The following TMEM74 variants were observed in gnomAD, a reference collection of about 807,000 sequenced individuals.
TMEM74 encodes transmembrane protein 74.
TMEM74 carries 13 observed loss-of-function variants against 18.1 expected under a neutral mutation model. The ratio of observed to expected loss-of-function variants is 0.72; its 90% confidence interval spans 0.47 to 1.14. The LOEUF (loss-of-function observed/expected upper bound fraction) is 1.14, where lower values mean the gene tolerates loss of function less well. TMEM74 is among the 50% of genes most tolerant of loss of function. TMEM74 has a pLI of 0.00. For synonymous variants in TMEM74, 159 were observed against 146.6 expected (o/e 1.08, Z -0.61); for missense variants, 372 against 375.9 (o/e 0.99, Z 0.09).
intron 1 of TMEM74, among the ~76,000 whole-genome samples, chr8:108,685,852 A>C (rs1813162261): frequency 1.3e-5 from 2 of 152,180 alleles, no homozygotes; most frequent in Admixed American, 1.3e-4. Flanking sequence ...AAAAAATGAA[A>C]GAGAAAATAA....
At chr8:108,637,358 A>G (rs1812616956) in intron 2 of TMEM74, among the ~76,000 whole-genome samples, 1 of 152,040 alleles carries the variant, frequency 6.6e-6, no homozygotes, top group Non-Finnish European at 1.5e-5. Context: ...ATGGTACTCA[A>G]AAATGCCCAC....
intron 1 of TMEM74, among the ~76,000 whole-genome samples, chr8:108,771,796 T>G (rs968235362): frequency 3.9e-5 from 6 of 152,178 alleles, no homozygotes; most frequent in African/African-American, 1.4e-4. Context: ...TTATCCATCT[T>G]TTTGAATATT....
At chr8:108,626,930 T>C (rs980987970) in intron 2 of TMEM74, among the ~76,000 whole-genome samples, 1 of 152,006 alleles carries the variant, frequency 6.6e-6, no homozygotes, top group African/African-American at 2.4e-5. Flanking sequence ...GATTTCTTAA[T>C]GGTCATTACT....
intron 1 of TMEM74, among the ~76,000 whole-genome samples, chr8:108,746,938 T>C (rs995244547): frequency 1.3e-5 from 2 of 152,114 alleles, no homozygotes; most frequent in African/African-American, 4.8e-5. Context: ...TTCCATCTGG[T>C]TGTTCCTGAT....
chr8:108,686,890 C>T (rs564334243), intron 1 of TMEM74, among the ~76,000 whole-genome samples: 30 of 152,118 alleles, frequency 2.0e-4, no homozygotes, highest in African/African-American at 7.0e-4. Context: ...AATCAACACT[C>T]CCATAAGGAA....
At chr8:108,620,095 G>T (rs871997) in intron 2 of TMEM74, among the ~76,000 whole-genome samples, 33,167 of 152,010 alleles carry the variant, frequency 0.22, 3,647 homozygotes, top group East Asian at 0.27. Context: ...CATTGGTACA[G>T]CTATCACTGT....
chr8:108,675,441 C>T (rs1357365331), intron 1 of TMEM74, among the ~76,000 whole-genome samples: 1 of 152,154 alleles, frequency 6.6e-6, no homozygotes, highest in East Asian at 1.9e-4. Context: ...AATGGACACT[C>T]CTGCAAAATG....
intron 2 of TMEM74, among the ~76,000 whole-genome samples, chr8:108,615,314 A>G (rs1812372394): frequency 6.6e-6 from 1 of 152,220 alleles, no homozygotes; most frequent in Non-Finnish European, 1.5e-5. Context: ...GTTAGCACTC[A>G]GACCATTATT....
At chr8:108,662,974 G>A (rs1245189486) in intron 1 of TMEM74, among the ~76,000 whole-genome samples, 3 of 152,094 alleles carry the variant, frequency 2.0e-5, no homozygotes, top group African/African-American at 7.2e-5. Flanking sequence ...ATGCCTCCAG[G>A]TTTGTTGTCT....
chr8:108,787,224 C>A (rs1401517732), intron 1 of TMEM74, among the ~76,000 whole-genome samples: 1 of 152,120 alleles, frequency 6.6e-6, no homozygotes, highest in Non-Finnish European at 1.5e-5. Context: ...TCTGGATGCG[C>A]CCTGTGCGAG....
intron 1 of TMEM74, among the ~76,000 whole-genome samples, chr8:108,786,962 G>A (rs911669908): frequency 2.0e-5 from 3 of 152,132 alleles, no homozygotes; most frequent in African/African-American, 7.2e-5. Flanking sequence ...CAGCACAGTC[G>A]ATTTCCTTTG....
Position 108,784,230 on chromosome 8 carries a change from G to A in TMEM74, c.869C>T (p.Thr290Ile), listed in dbSNP as rs1329640687. Residue 290 changes from threonine to isoleucine, a missense_variant, in exon 2 of 2, where the codon ACT (threonine) becomes ATT (isoleucine). Thr to Ile is a moderately conservative substitution (Grantham distance 89, BLOSUM62 -1). Transcript: ENST00000297459. ...FRMKTSTNENTLELSLVEEDA... is the reference protein window; with the variant it reads ...FRMKTSTNENILELSLVEEDA... ...TTCCTCTACCAAGGACAGTTCCAGAGTGTTTTCATTCGTGCTGGTTTTCAT... is the reference window on the plus strand; with the variant it reads ...TTCCTCTACCAAGGACAGTTCCAGAATGTTTTCATTCGTGCTGGTTTTCAT... 8.1e-6 allele frequency: 13 copies of A among 1,614,058 alleles called. No individual in the cohort carries two copies. Among genetic ancestry groups the A allele is most frequent in the Middle Eastern group, 1.6e-4 (1 of 6,084 alleles).
chr8:108,664,290 T>C (rs62512411), intron 1 of TMEM74, among the ~76,000 whole-genome samples: 25,032 of 152,132 alleles, frequency 0.16, 2,620 homozygotes, highest in Non-Finnish European at 0.23. Flanking sequence ...TTATGTCATC[T>C]CTGATTTCTT....
At chr8:108,731,077 A>C (rs1399920043) in intron 1 of TMEM74, among the ~76,000 whole-genome samples, 1 of 151,852 alleles carries the variant, frequency 6.6e-6, no homozygotes, top group East Asian at 1.9e-4. Flanking sequence ...TTTTATTTTC[A>C]TATCTTTTTC....
intron 1 of TMEM74, among the ~76,000 whole-genome samples, chr8:108,746,917 C>T (rs1283741614): frequency 6.6e-6 from 1 of 152,066 alleles, no homozygotes; most frequent in Non-Finnish European, 1.5e-5. Context: ...ATGCCTTGCC[C>T]TATACCTCTC....
chr8:108,677,957 T>C (rs1025786002), intron 1 of TMEM74, among the ~76,000 whole-genome samples: 23 of 152,164 alleles, frequency 1.5e-4, no homozygotes, highest in African/African-American at 5.3e-4. Context: ...TAACTTGTAG[T>C]GACATCCCAA....
intron 1 of TMEM74, among the ~76,000 whole-genome samples, chr8:108,722,458 A>G (rs918072704): frequency 1.7e-4 from 26 of 152,210 alleles, no homozygotes; most frequent in African/African-American, 6.3e-4. Context: ...TTTGCCACCA[A>G]AAACTCACCC....
At chr8:108,680,702 A>G (rs541327511) in intron 1 of TMEM74, among the ~76,000 whole-genome samples, 2 of 152,314 alleles carry the variant, frequency 1.3e-5, no homozygotes, top group South Asian at 2.1e-4. Flanking sequence ...AGGGTATTCA[A>G]TTAGGAAAAG....
intron 1 of TMEM74, among the ~76,000 whole-genome samples, chr8:108,705,890 A>T: frequency 6.6e-6 from 1 of 152,330 alleles, no homozygotes; most frequent in East Asian, 1.9e-4. Context: ...TGCAAATGTC[A>T]TTCAGGATGG....
Sources: gnomAD v4.1 joint callset for allele counts (sites outside exome capture counted in the v4.1 genomes callset) on GRCh38, gnomAD v4.1.1 for gene constraint, MANE v1.5 for transcripts, NCBI Gene and HGNC (gene_info 2026-07-23, HGNC 2026-07-21) for gene names.